Variants in GLDC observed in about 807,000 individuals in gnomAD.
GLDC encodes the protein glycine decarboxylase.
In GLDC, 104 loss-of-function variants were observed where a neutral mutation model predicts 121.3. That is an observed-to-expected ratio of 0.86 (90% confidence interval 0.73 to 1.01). The LOEUF is 1.01. GLDC is among the 50% of genes least tolerant of loss of function. The pLI is 0.00. For missense variants in GLDC, 1,429 were observed against 1,306.6 expected (o/e 1.09, Z -1.44); for synonymous variants, 546 against 480.6 (o/e 1.14, Z -1.78).
chr9:6,621,424 C>T (rs1435279679), intron 2 of GLDC, among the ~76,000 whole-genome samples: 5 of 152,240 alleles, frequency 3.3e-5, no homozygotes, highest in East Asian at 3.9e-4. Flanking sequence ...TGAGGTCACA[C>T]GACTTTAAAT....
In GLDC at chr9:6,588,446, T is replaced by A. The variant is rs909685694; in HGVS notation, c.1666-4A>T. ...TCAGTTTCATGGTGCAGGATCCCTT[T>A]AAGAAGAACATCCAAAATGTATCAC... is the stretch of plus-strand genomic sequence containing the variant. On this transcript the variant is annotated splice_polypyrimidine_tract_variant and splice_region_variant and intron_variant, in intron 13 of 24. Transcript: ENST00000321612. 13 of 1,610,382 alleles carry A rather than the reference T, an allele frequency of 8.1e-6. No individual in the cohort carries two copies. The highest frequency in any genetic ancestry group is 1.1e-5 in the Non-Finnish European group (13 of 1,176,570).
At chr9:6,582,629 A>G (rs976000535) in intron 15 of GLDC, among the ~76,000 whole-genome samples, 1 of 152,100 alleles carries the variant, frequency 6.6e-6, no homozygotes, top group Non-Finnish European at 1.5e-5. Context: ...GGAGATCGAG[A>G]CCATCCTGGC....
intron 16 of GLDC, among the ~76,000 whole-genome samples, chr9:6,563,094 G>T (rs1817789889): frequency 6.6e-6 from 1 of 152,182 alleles, no homozygotes; most frequent in African/African-American, 2.4e-5. Flanking sequence ...GGTGGAGAAG[G>T]GAAGGAGGAC....
chr9:6,625,194 C>T (rs1819205908), intron 2 of GLDC, among the ~76,000 whole-genome samples: 1 of 152,046 alleles, frequency 6.6e-6, no homozygotes, highest in South Asian at 2.1e-4. Flanking sequence ...AGCAGCCTCC[C>T]CAACAATCCC....
intron 2 of GLDC, among the ~76,000 whole-genome samples, chr9:6,638,464 C>G (rs141569123): frequency 6.6e-6 from 1 of 152,070 alleles, no homozygotes; most frequent in Admixed American, 6.5e-5. Context: ...ATCCACCCGC[C>G]TCGCCCTCCC....
At chr9:6,598,514 G>A (rs983542936) in intron 8 of GLDC, among the ~76,000 whole-genome samples, 20 of 152,204 alleles carry the variant, frequency 1.3e-4, no homozygotes, top group South Asian at 4.1e-4. Context: ...CAAGAGAGAA[G>A]AGCAAGAGTG....
chr9:6,619,206 T>A (rs976157312), intron 3 of GLDC, among the ~76,000 whole-genome samples: 1 of 148,504 alleles, frequency 6.7e-6, no homozygotes, highest in Non-Finnish European at 1.5e-5. Flanking sequence ...ATCTAACTGT[T>A]GAGGTAAGAC....
intron 18 of GLDC, 143 bp downstream of exon 18, chr9:6,556,010 T>C: frequency 1.5e-6 from 1 of 661,242 alleles, no homozygotes; most frequent in South Asian, 1.8e-5. Flanking sequence ...TCCAAGGCCA[T>C]GAGAGATCAA....
At chr9:6,538,372 G>A (rs12348822) in intron 22 of GLDC, among the ~76,000 whole-genome samples, 5,433 of 152,254 alleles carry the variant, frequency 0.036, 311 homozygotes, top group African/African-American at 0.12. Flanking sequence ...GCTGGGTAAG[G>A]CAGTATGCCC....
At chr9:6,604,917 A>C in intron 6 of GLDC, 133 bp from the exon 7 acceptor site, 1 of 894,744 alleles carries the variant, frequency 1.1e-6, no homozygotes, top group Non-Finnish European at 1.8e-6. Flanking sequence ...TTGCTCATTC[A>C]TTCATTCAGT....
chr9:6,622,001 C>T (rs900907418), intron 2 of GLDC, among the ~76,000 whole-genome samples: 1 of 152,094 alleles, frequency 6.6e-6, no homozygotes, highest in Non-Finnish European at 1.5e-5. Context: ...TATTTTTCCT[C>T]TATCAGAGAA....
At chr9:6,642,404 G>T (rs978914355) in intron 2 of GLDC, among the ~76,000 whole-genome samples, 2 of 152,092 alleles carry the variant, frequency 1.3e-5, no homozygotes, top group East Asian at 3.9e-4. Context: ...GGTGGTGCAC[G>T]TCTGTAATCC....
At chr9:6,581,609 C>T (rs1818171960) in intron 15 of GLDC, among the ~76,000 whole-genome samples, 1 of 152,172 alleles carries the variant, frequency 6.6e-6, no homozygotes, top group Non-Finnish European at 1.5e-5. Context: ...ATGTCGCTCT[C>T]ATGGGTCAGG....
intron 3 of GLDC, among the ~76,000 whole-genome samples, chr9:6,614,983 T>C (rs1818939371): frequency 6.6e-6 from 1 of 152,224 alleles, no homozygotes; most frequent in African/African-American, 2.4e-5. Context: ...ATTACAATTT[T>C]ATGAGACCAC....
chr9:6,616,559 G>C (rs1164153790), intron 3 of GLDC, among the ~76,000 whole-genome samples: 1 of 152,110 alleles, frequency 6.6e-6, no homozygotes, highest in East Asian at 1.9e-4. Flanking sequence ...CTCATTTCAG[G>C]AGAAAAATAC....
chr9:6,619,258 T>C (rs1261811827), intron 3 of GLDC, among the ~76,000 whole-genome samples: 1 of 150,830 alleles, frequency 6.6e-6, no homozygotes, highest in Non-Finnish European at 1.5e-5. Context: ...GCCTCTCTCA[T>C]ATCTTTTCTA....
chr9:6,534,853 A>G, intron 23 of GLDC, 65 bp from the exon 24 acceptor site: 2 of 840,314 alleles, frequency 2.4e-6, no homozygotes, highest in Non-Finnish European at 4.1e-6. Context: ...CCTACCCTGC[A>G]CCTCAACCGT....
rs760055824 is a variant in GLDC, at chr9:6,605,182, C to T, written c.810G>A (p.Glu270=). 2.5e-6 allele frequency: 4 copies of T among 1,613,742 alleles called. No individual in the cohort carries two copies. The highest frequency in any genetic ancestry group is 1.1e-5 in the South Asian group (1 of 91,056). The change falls in exon 6 of 25, where the codon GAG becomes GAA. Residue 270 remains glutamate (E), a synonymous_variant. Coordinates refer to ENST00000321612, the MANE Select transcript of GLDC (RefSeq NM_000170.3). ...GTTCCGTAAAGTCTTCCACCTTCCCCTCCGTGTCTGGGTACTGGAACAACA... is the reference window on the plus strand; with the variant it reads ...GTTCCGTAAAGTCTTCCACCTTCCCTTCCGTGTCTGGGTACTGGAACAACA... ...SGVLFQYPDT[E]GKVEDFTELV...
intron 20 of GLDC, 64 bp downstream of exon 20, chr9:6,553,304 C>T (rs934485623): frequency 1.5e-5 from 22 of 1,426,724 alleles, no homozygotes; most frequent in African/African-American, 9.8e-5. Flanking sequence ...CTGCAGTATC[C>T]GGTCCCCATG....
Sources: gnomAD v4.1 joint callset for allele counts (sites outside exome capture counted in the v4.1 genomes callset) on GRCh38, gnomAD v4.1.1 for gene constraint, MANE v1.5 for transcripts, NCBI Gene and HGNC (gene_info 2026-07-23, HGNC 2026-07-21) for gene names.